Variants in CCSER1 observed in about 807,000 individuals in gnomAD.
The protein encoded by CCSER1 is serine-rich coiled-coil domain-containing protein 1.
CCSER1 carries 41 observed loss-of-function variants against 82.0 expected under a neutral mutation model. The observed-to-expected ratio is 0.50, with a 90% CI of 0.39 to 0.65. CCSER1 has a LOEUF of 0.65. CCSER1 is among the 30% of genes least tolerant of loss of function. The probability of loss-of-function intolerance (pLI) is 0.00; values close to 1 mark genes in which losing one functional copy is unlikely to be tolerated. For missense variants in CCSER1, 1,119 were observed against 1,064.2 expected, an observed-to-expected ratio of 1.05 and a Z score of -0.72; for synonymous variants, 414 against 383.9, an observed-to-expected ratio of 1.08 and a Z score of -0.92.
chr4:90,289,407 A>G (rs1415512981), intron 1 of CCSER1, among the ~76,000 whole-genome samples: 1 of 151,892 alleles, frequency 6.6e-6, no homozygotes, highest in Non-Finnish European at 1.5e-5. Flanking sequence ...ATTGTGCTAG[A>G]CAATGTGAGC....
chr4:91,514,819 A>T (rs1353891284), intron 10 of CCSER1, among the ~76,000 whole-genome samples: 1 of 152,202 alleles, frequency 6.6e-6, no homozygotes, highest in Admixed American at 6.6e-5. Context: ...ACAATACAGG[A>T]CGACAAAGTC....
intron 7 of CCSER1, among the ~76,000 whole-genome samples, chr4:90,770,715 C>T (rs988047340): frequency 1.3e-5 from 2 of 152,110 alleles, no homozygotes; most frequent in Admixed American, 1.3e-4. Context: ...AGCACTCTCT[C>T]TCACTACAAT....
intron 3 of CCSER1, among the ~76,000 whole-genome samples, chr4:90,355,289 A>C (rs1392340384): frequency 6.6e-6 from 1 of 152,040 alleles, no homozygotes; most frequent in Non-Finnish European, 1.5e-5. Context: ...TATTATAGTA[A>C]AAGAAAGAAA....
At chr4:91,576,517 G>A (rs1763458401) in intron 10 of CCSER1, among the ~76,000 whole-genome samples, 1 of 151,838 alleles carries the variant, frequency 6.6e-6, no homozygotes, top group Non-Finnish European at 1.5e-5. Flanking sequence ...TTTGAAATTT[G>A]CCAAGATAGT....
intron 1 of CCSER1, among the ~76,000 whole-genome samples, chr4:90,244,063 G>A (rs990126385): frequency 2.6e-5 from 4 of 152,096 alleles, no homozygotes; most frequent in Non-Finnish European, 4.4e-5. Context: ...AATATTTTGA[G>A]TATTTTGAGG....
intron 7 of CCSER1, chr4:90,724,950 G>A (rs1385125817): frequency 1.2e-5 from 5 of 403,452 alleles, no homozygotes; most frequent in African/African-American, 2.1e-5. Context: ...AGAAGGCTAT[G>A]AATTCAAATG....
At chr4:91,276,631 C>T (rs1044756449) in intron 10 of CCSER1, among the ~76,000 whole-genome samples, 3 of 151,986 alleles carry the variant, frequency 2.0e-5, no homozygotes, top group African/African-American at 4.8e-5. Context: ...ATTTGGAATG[C>T]CTTTTCTTTC....
rs188814491 is a variant in CCSER1, at chr4:90,704,069, C to T, written c.1933-19845C>T. Reference sequence around the variant, plus strand: ...AGTTGATGCAGTTTCTTCCAAGCATCGATGGTCTTTACCATTTGGCATGTT... The same window carrying T: ...AGTTGATGCAGTTTCTTCCAAGCATTGATGGTCTTTACCATTTGGCATGTT... On this transcript the variant is annotated intron_variant, in intron 6 of 10. Transcript: ENST00000509176. Among the ~76,000 whole-genome samples the T allele has an allele frequency of 8.5e-4, 129 of 152,252 alleles. 1 individual carries two copies. In the Middle Eastern group the frequency reaches 0.024, roughly 28 times the overall value.
intron 10 of CCSER1, among the ~76,000 whole-genome samples, chr4:91,186,501 G>A (rs768041001): frequency 2.6e-4 from 40 of 152,096 alleles, no homozygotes; most frequent in South Asian, 8.3e-4. Context: ...GAGCCCCCGT[G>A]ATGGACGCCA....
chr4:91,458,575 A>T (rs888699699), intron 10 of CCSER1, among the ~76,000 whole-genome samples: 1 of 152,128 alleles, frequency 6.6e-6, no homozygotes, highest in Non-Finnish European at 1.5e-5. Flanking sequence ...TGGTATTTTG[A>T]TAAGAGTTGT....
At chr4:91,575,255 A>G (rs1175294046) in intron 10 of CCSER1, among the ~76,000 whole-genome samples, 1 of 152,050 alleles carries the variant, frequency 6.6e-6, no homozygotes, top group Non-Finnish European at 1.5e-5. Flanking sequence ...ACCTAAAACC[A>G]TAAACCTCCT....
At chr4:91,211,965 G>A (rs533963416) in intron 10 of CCSER1, among the ~76,000 whole-genome samples, 1 of 152,076 alleles carries the variant, frequency 6.6e-6, no homozygotes, top group Non-Finnish European at 1.5e-5. Context: ...TGAAATTTGT[G>A]GCAGTGGCTA....
intron 10 of CCSER1, among the ~76,000 whole-genome samples, chr4:91,220,570 A>G (rs1212903687): frequency 1.3e-5 from 2 of 152,218 alleles, no homozygotes; most frequent in African/African-American, 2.4e-5. Flanking sequence ...GTTAAAGGGA[A>G]TTGGTACATG....
intron 10 of CCSER1, among the ~76,000 whole-genome samples, chr4:91,252,255 G>A (rs1480825343): frequency 1.3e-5 from 2 of 152,044 alleles, no homozygotes; most frequent in Admixed American, 6.6e-5. Flanking sequence ...AAAAGTGAGG[G>A]AGGAAATTTA....
chr4:90,638,423 A>T (rs1560860098), intron 6 of CCSER1, among the ~76,000 whole-genome samples: 1 of 152,144 alleles, frequency 6.6e-6, no homozygotes, highest in South Asian at 2.1e-4. Context: ...TAAAACAACA[A>T]TGACCATTTA....
chr4:90,230,563 C>T (rs1056247061), intron 1 of CCSER1, among the ~76,000 whole-genome samples: 16 of 151,192 alleles, frequency 1.1e-4, no homozygotes, highest in African/African-American at 1.9e-4. Flanking sequence ...TTAAAAGAAC[C>T]AGAAAAGCAA....
At chr4:90,516,265 G>C (rs564634710) in intron 5 of CCSER1, among the ~76,000 whole-genome samples, 7 of 152,140 alleles carry the variant, frequency 4.6e-5, no homozygotes, top group African/African-American at 1.7e-4. Flanking sequence ...TAGAAAGGGT[G>C]CCCTTATTTT....
intron 5 of CCSER1, among the ~76,000 whole-genome samples, chr4:90,482,921 T>C (rs1249971564): frequency 2.6e-5 from 4 of 152,202 alleles, no homozygotes; most frequent in African/African-American, 9.6e-5. Context: ...AATTCCTGGA[T>C]ATCCTTGTTA....
At chr4:90,747,247 T>A (rs1747647422) in intron 7 of CCSER1, among the ~76,000 whole-genome samples, 1 of 152,242 alleles carries the variant, frequency 6.6e-6, no homozygotes, top group South Asian at 2.1e-4. Flanking sequence ...CGAGCCATCT[T>A]TGCAGTTCTA....
Sources: gnomAD v4.1 joint callset for allele counts (sites outside exome capture counted in the v4.1 genomes callset) on GRCh38, gnomAD v4.1.1 for gene constraint, MANE v1.5 for transcripts, NCBI Gene and HGNC (gene_info 2026-07-23, HGNC 2026-07-21) for gene names.